Variants in KDM6A observed in about 807,000 individuals in gnomAD.
KDM6A encodes lysine demethylase 6A.
In KDM6A, 11 loss-of-function variants were observed where a neutral mutation model predicts 117.6. The ratio of observed to expected loss-of-function variants is 0.09; its 90% CI spans 0.06 to 0.15. The LOEUF (loss-of-function observed/expected upper bound fraction) is 0.15. Among genes scored for constraint, KDM6A ranks in the 10% least tolerant of loss-of-function variants. KDM6A has a pLI of 1.00. For synonymous variants in KDM6A, 384 were observed against 396.1 expected, an observed-to-expected ratio of 0.97 and a Z score of 0.36; for missense variants, 799 against 1,077.3, an observed-to-expected ratio of 0.74 and a Z score of 3.62.
At chrX:45,065,799 A>G (rs999539933) in intron 17 of KDM6A, among the ~76,000 whole-genome samples, 2 of 112,264 alleles carry the variant, frequency 1.8e-5, no homozygotes, top group African/African-American at 6.5e-5. Flanking sequence ...AAGAACTAGC[A>G]GAGAAGAATA....
chrX:45,053,902 A>G lies in KDM6A; in HGVS notation c.822A>G (p.Gln274=), dbSNP rs181883752. 10 of 1,206,044 alleles carry G rather than the reference A, an allele frequency of 8.3e-6. No individual in the cohort carries two copies. Among genetic ancestry groups the G allele is most frequent in the Admixed American group, 4.4e-5 (2 of 45,789 alleles). ...TKESYAIQYL[Q]KSLEADPNSG... is the part of the protein sequence containing the mutation. ...AAAGCTATGCTATTCAGTATCTCCA[A>G]AAGTCCTTGGAAGCAGATCCTAATT... Residue 274 remains glutamine (Q), a synonymous_variant, in exon 10 of 30, where the codon CAA becomes CAG. Transcript: ENST00000611820.
intron 2 of KDM6A, among the ~76,000 whole-genome samples, chrX:44,918,347 A>AT (rs1010081019): frequency 4.5e-5 from 5 of 110,682 alleles, no homozygotes; most frequent in African/African-American, 1.6e-4. Context: ...TCACCTATAG[A>AT]TTTTTTTCCA....
intron 2 of KDM6A, among the ~76,000 whole-genome samples, chrX:44,958,915 C>G (rs939158075): frequency 1.8e-5 from 2 of 110,632 alleles, no homozygotes; most frequent in African/African-American, 6.6e-5. Flanking sequence ...TATAAAAATT[C>G]TGTGTTTTAT....
intron 18 of KDM6A, among the ~76,000 whole-genome samples, chrX:45,073,749 G>T (rs1247315311): frequency 8.9e-6 from 1 of 111,815 alleles, no homozygotes; most frequent in African/African-American, 3.3e-5. Flanking sequence ...ATTTGTTTAA[G>T]TTCTTTGTAG....
chrX:44,998,947 C>T (rs1009129849), intron 4 of KDM6A, among the ~76,000 whole-genome samples: 6 of 111,526 alleles, frequency 5.4e-5, no homozygotes, highest in South Asian at 3.8e-4. Flanking sequence ...TTCCAAGACC[C>T]GCAGTGGATG....
chrX:44,888,283 C>T (rs1300870096), intron 2 of KDM6A, among the ~76,000 whole-genome samples: 2 of 112,216 alleles, frequency 1.8e-5, no homozygotes, highest in Non-Finnish European at 3.8e-5. Flanking sequence ...CCAGCCTAGG[C>T]GACAGAGCGA....
At chrX:45,020,993 A>G (rs773148747) in intron 6 of KDM6A, among the ~76,000 whole-genome samples, 61 of 111,486 alleles carry the variant, frequency 5.5e-4, no homozygotes, top group African/African-American at 1.9e-3. Flanking sequence ...TCATCAGGAA[A>G]GGGTGAAGGT....
chrX:45,104,640 C>T (rs1010742060), intron 27 of KDM6A, among the ~76,000 whole-genome samples: 4 of 110,326 alleles, frequency 3.6e-5, no homozygotes, highest in African/African-American at 1.0e-4. Context: ...CCATAAGAGC[C>T]TCTCTCTCTC....
chrX:45,039,424 A>G (rs749285175), intron 8 of KDM6A, among the ~76,000 whole-genome samples: 3 of 106,280 alleles, frequency 2.8e-5, no homozygotes, highest in East Asian at 6.1e-4. Context: ...TCTGATGTGG[A>G]GTTGTCTGTT....
chrX:44,985,174 A>G (rs751923223), intron 4 of KDM6A, among the ~76,000 whole-genome samples: 219 of 110,949 alleles, frequency 2.0e-3, no homozygotes, highest in African/African-American at 6.5e-3. Context: ...CTTTGAAGCA[A>G]TTGTGAATGG....
intron 2 of KDM6A, among the ~76,000 whole-genome samples, chrX:44,917,918 T>C (rs1252885631): frequency 8.9e-6 from 1 of 112,293 alleles, no homozygotes; most frequent in African/African-American, 3.2e-5. Flanking sequence ...TTCTTAAAAT[T>C]AAGTTTGTCT....
intron 4 of KDM6A, among the ~76,000 whole-genome samples, chrX:44,987,808 T>A (rs1250361248): frequency 9.0e-6 from 1 of 111,701 alleles, no homozygotes; most frequent in African/African-American, 3.3e-5. Flanking sequence ...CCTTTGTGGG[T>A]AACCCGACCT....
intron 8 of KDM6A, among the ~76,000 whole-genome samples, chrX:45,049,265 TCA>T (rs2043728361): frequency 8.9e-6 from 1 of 112,070 alleles, no homozygotes; most frequent in Non-Finnish European, 1.9e-5. Context: ...GTATAGTTAC[TCA>T]CATTGTTTTT....
intron 2 of KDM6A, among the ~76,000 whole-genome samples, chrX:44,913,773 C>T (rs1351648374): frequency 9.0e-6 from 1 of 110,805 alleles, no homozygotes; most frequent in African/African-American, 3.3e-5. Flanking sequence ...TACGCACACA[C>T]ACATATATTC....
At chrX:45,102,769 G>T (rs939268730) in intron 27 of KDM6A, among the ~76,000 whole-genome samples, 1 of 111,561 alleles carries the variant, frequency 9.0e-6, no homozygotes. Context: ...CCCCATCTAG[G>T]AGCTTAAAGT....
chrX:45,078,108 T>C (rs1226607262), intron 19 of KDM6A, among the ~76,000 whole-genome samples: 1 of 112,389 alleles, frequency 8.9e-6, no homozygotes, highest in Non-Finnish European at 1.9e-5. Flanking sequence ...AGATTGTCTT[T>C]TCATTTTAAG....
chrX:45,109,760 T>C (rs760890125), intron 28 of KDM6A, among the ~76,000 whole-genome samples: 1 of 111,833 alleles, frequency 8.9e-6, no homozygotes, highest in Non-Finnish European at 1.9e-5. Context: ...TGTCTGATTG[T>C]ATACTAATGT....
intron 3 of KDM6A, among the ~76,000 whole-genome samples, chrX:44,971,029 GA>G (rs2039314234): frequency 9.0e-6 from 1 of 111,316 alleles, no homozygotes. Context: ...AGATTGCCAG[GA>G]AACTGATAAC....
At chrX:44,898,373 T>G (rs2034057771) in intron 2 of KDM6A, among the ~76,000 whole-genome samples, 1 of 111,925 alleles carries the variant, frequency 8.9e-6, no homozygotes, top group African/African-American at 3.3e-5. Flanking sequence ...GGTTCAGCTC[T>G]TCACTGGTTA....
Sources: allele counts gnomAD v4.1 joint callset (sites outside exome capture counted in the v4.1 genomes callset), GRCh38; gene constraint gnomAD v4.1.1; transcripts MANE v1.5; gene names NCBI Gene and HGNC (gene_info 2026-07-23, HGNC 2026-07-21).